ABCB7: variants seen among roughly 807,000 people sequenced by gnomAD.
ABCB7 encodes iron-sulfur clusters transporter ABCB7, mitochondrial.
ABCB7 carries 7 observed loss-of-function variants against 54.4 expected under a neutral mutation model. That is an observed-to-expected ratio of 0.13 (90% CI 0.07 to 0.24). The LOEUF (loss-of-function observed/expected upper bound fraction) is 0.24, where lower values mean the gene tolerates loss of function less well. Ranked by LOEUF, ABCB7 falls within the 10% of genes least tolerant of loss-of-function variation. ABCB7 has a pLI of 1.00. For synonymous variants in ABCB7, 218 were observed against 207.1 expected, an observed-to-expected ratio of 1.05 and a Z score of -0.45; for missense variants, 356 against 570.4, an observed-to-expected ratio of 0.62 and a Z score of 3.83.
chrX:75,104,864 G>A (rs2081677284), intron 3 of ABCB7, among the ~76,000 whole-genome samples: 1 of 111,355 alleles, frequency 9.0e-6, no homozygotes, highest in Non-Finnish European at 1.9e-5. Context: ...TGATCAAGTG[G>A]GTTTTATTCC....
chrX:75,118,657 G>C (rs941932327), intron 1 of ABCB7, among the ~76,000 whole-genome samples: 3 of 111,344 alleles, frequency 2.7e-5, no homozygotes, highest in Non-Finnish European at 3.8e-5. Flanking sequence ...AAATTAATTT[G>C]CATTATGAGA....
intron 1 of ABCB7, among the ~76,000 whole-genome samples, chrX:75,152,785 G>A (rs1304817408): frequency 3.7e-5 from 4 of 109,247 alleles, no homozygotes; most frequent in African/African-American, 1.3e-4. Context: ...TCAGTCTCCT[G>A]AGTAGCTGTA....
chrX:75,136,498 T>G (rs1018009707), intron 1 of ABCB7, among the ~76,000 whole-genome samples: 5 of 111,498 alleles, frequency 4.5e-5, no homozygotes, highest in Non-Finnish European at 9.4e-5. Context: ...CATTCTAAAA[T>G]TAATTCGGAA....
chrX:75,071,818 A>G (rs2081365816), intron 8 of ABCB7, 135 bp from the exon 9 acceptor site: 2 of 460,551 alleles, frequency 4.3e-6, no homozygotes, highest in Non-Finnish European at 7.3e-6. Context: ...AATTGACTCA[A>G]TATATTGGAC....
chrX:75,087,228 C>T (rs2081505056), intron 4 of ABCB7, among the ~76,000 whole-genome samples: 1 of 111,549 alleles, frequency 9.0e-6, no homozygotes, highest in Admixed American at 9.5e-5. Flanking sequence ...AAATTCTTTC[C>T]TGCACGAAGC....
intron 4 of ABCB7, among the ~76,000 whole-genome samples, chrX:75,083,788 T>C (rs1296443424): frequency 9.1e-6 from 1 of 110,205 alleles, no homozygotes; most frequent in Non-Finnish European, 1.9e-5. Context: ...TGAAACAGAA[T>C]AGATTCCAGA....
chrX:75,093,781 T>TAAC, intron 4 of ABCB7, among the ~76,000 whole-genome samples: 1 of 107,304 alleles, frequency 9.3e-6, no homozygotes, highest in African/African-American at 3.4e-5. Flanking sequence ...ATAATAATAA[T>TAAC]ACCAGGGTAA....
chrX:75,066,856 T>C (rs2081323260), intron 12 of ABCB7, among the ~76,000 whole-genome samples: 1 of 111,512 alleles, frequency 9.0e-6, no homozygotes. Flanking sequence ...TTCATGACAA[T>C]ATTCTTTAAA....
intron 1 of ABCB7, among the ~76,000 whole-genome samples, chrX:75,126,193 T>A (rs745614040): frequency 2.2e-4 from 25 of 111,686 alleles, no homozygotes; most frequent in Non-Finnish European, 3.6e-4. Context: ...ACCAAACTTT[T>A]CAAAATGCAC....
chrX:75,114,827 G>T lies in ABCB7; in HGVS notation c.173C>A (p.Pro58Gln). The change falls in exon 2 of 16, where the codon CCA becomes CAA. Residue 58 changes from proline (P) to glutamine (Q), a missense_variant. Physicochemically the swap from Pro to Gln is moderately conservative, Grantham distance 76. Around this residue, in one of 2 missense-constraint regions of ABCB7, gnomAD observed 115 missense variants for 99.5 expected, o/e 1.16. Coordinates refer to ENST00000373394, the MANE Select transcript of ABCB7 (RefSeq NM_001271696.3). ...ALGTARAYQIPESLKSITWQR... is the reference protein window; with the variant it reads ...ALGTARAYQIQESLKSITWQR... The stretch of plus-strand genomic sequence containing the variant: ...CCATGTGATACTTTTTAATGACTCT[G>T]GAATCTGCTGACAAGGAAAAAAAGT... 8.4e-7 allele frequency: 1 copy of T among 1,195,103 alleles called. No individual in the cohort carries two copies. Among genetic ancestry groups the T allele is most frequent in the Non-Finnish European group, 1.1e-6 (1 of 884,323 alleles).
At chrX:75,145,799 C>T (rs11795468) in intron 1 of ABCB7, among the ~76,000 whole-genome samples, 71,953 of 109,694 alleles carry the variant, frequency 0.66, 20,823 homozygotes, top group Non-Finnish European at 0.91. Context: ...GTCAAACTAT[C>T]CCTGTTGGCA....
intron 9 of ABCB7, among the ~76,000 whole-genome samples, chrX:75,071,107 A>T (rs775209348): frequency 2.7e-5 from 3 of 110,619 alleles, no homozygotes; most frequent in Non-Finnish European, 3.8e-5. Context: ...GTGTTTTGCA[A>T]CTAAAAAAAG....
intron 4 of ABCB7, among the ~76,000 whole-genome samples, chrX:75,096,448 CCTT>C (rs1266939748): frequency 1.8e-5 from 2 of 111,457 alleles, no homozygotes; most frequent in East Asian, 5.7e-4. Context: ...TACAGTCACT[CCTT>C]CTCAGTTTCC....
intron 5 of ABCB7, 59 bp from the exon 6 acceptor site, chrX:75,075,689 A>G: frequency 9.4e-7 from 1 of 1,058,956 alleles, no homozygotes; most frequent in South Asian, 2.0e-5. Context: ...AAAGGAGTAT[A>G]GAAATGACAA....
rs1019514165 is a variant in ABCB7, at chrX:75,061,853, C to A, written c.1935+475G>T. ...CCAGTGAAATGAATACAAATTGATA[C>A]CAGCACTGCAGGTTGTGTGTGCCTG... On this transcript the variant is annotated intron_variant, in intron 14 of 15. Transcript: ENST00000373394. Among the ~76,000 whole-genome samples, 4 of 112,226 alleles carry A rather than the reference C, an allele frequency of 3.6e-5. No individual in the cohort carries two copies. In the Admixed American group the frequency reaches 3.8e-4, roughly 11 times the overall value.
intron 1 of ABCB7, among the ~76,000 whole-genome samples, chrX:75,153,407 T>A (rs1043607640): frequency 1.8e-5 from 2 of 111,241 alleles, no homozygotes; most frequent in African/African-American, 6.5e-5. Context: ...AACTAGAACC[T>A]CTAAAATATA....
intron 9 of ABCB7, 22 bp downstream of exon 9, chrX:75,071,487 G>A: frequency 2.5e-6 from 3 of 1,207,229 alleles, no homozygotes; most frequent in Non-Finnish European, 3.4e-6. Context: ...GCCTGTAAAT[G>A]TGATAGCCAC....
intron 1 of ABCB7, among the ~76,000 whole-genome samples, chrX:75,150,969 AC>A (rs1475029572): frequency 1.8e-5 from 2 of 110,765 alleles, no homozygotes; most frequent in East Asian, 5.6e-4. Context: ...ACCATTAGAA[AC>A]CCACCAGCCA....
At chrX:75,126,723 G>C (rs1490766580) in intron 1 of ABCB7, among the ~76,000 whole-genome samples, 1 of 110,939 alleles carries the variant, frequency 9.0e-6, no homozygotes, top group Non-Finnish European at 1.9e-5. Flanking sequence ...TGATAAAGGG[G>C]ATATCACCAC....
Sources: gnomAD v4.1 joint callset for allele counts (sites outside exome capture counted in the v4.1 genomes callset) on GRCh38, gnomAD v4.1.1 for gene constraint, gnomAD v4.1.1 regional missense constraint, MANE v1.5 for transcripts, NCBI Gene and HGNC (gene_info 2026-07-23, HGNC 2026-07-21) for gene names.